TRPM8: variants seen among roughly 807,000 people sequenced by gnomAD.
TRPM8 encodes transient receptor potential cation channel subfamily M member 8, also known as TRPM8 cationic channel.
In TRPM8, 110 loss-of-function variants were observed where a neutral mutation model predicts 133.7. That is an observed-to-expected ratio of 0.82 (90% CI 0.70 to 0.96). The LOEUF (loss-of-function observed/expected upper bound fraction) is 0.96. Among genes scored for constraint, TRPM8 ranks in the 40% least tolerant of loss-of-function variants. The probability of loss-of-function intolerance (pLI) is 0.00; values close to 1 mark genes in which losing one functional copy is unlikely to be tolerated. For missense variants in TRPM8, 1,291 were observed against 1,379.5 expected (o/e 0.94, Z 1.02); for synonymous variants, 535 against 532.3 (o/e 1.01, Z -0.07).
intron 22 of TRPM8, among the ~76,000 whole-genome samples, chr2:234,002,206 C>T (rs1377868366): frequency 2.0e-5 from 3 of 151,694 alleles, no homozygotes; most frequent in Non-Finnish European, 4.4e-5. Flanking sequence ...GCTGAAATGG[C>T]GCCACAGAGC....
chr2:233,992,671 G>A (rs970470113), intron 21 of TRPM8, among the ~76,000 whole-genome samples: 1 of 152,276 alleles, frequency 6.6e-6, no homozygotes, highest in Non-Finnish European at 1.5e-5. Context: ...GGGACAGGAC[G>A]CCAAGGGCAC....
rs550738019 is a variant in TRPM8, at chr2:233,963,108, T to C, written c.1654-174T>C. The stretch of plus-strand genomic sequence containing the variant: ...TTTATGACAGATGAAAGATTTGGTG[T>C]CAAAATTAGACCACCCAATGAGTTG... On this transcript the variant is annotated intron_variant, in intron 12 of 25. Transcript: ENST00000324695. Among the ~76,000 whole-genome samples the C allele has an allele frequency of 1.1e-4, 17 of 152,228 alleles. No individual in the cohort carries two copies. The South Asian group carries it at 3.5e-3, about 32-fold the overall frequency.
rs377496653 is a variant in TRPM8, at chr2:233,926,654, C to T, written c.117C>T (p.Ser39=). 21 of 1,607,848 alleles carry T rather than the reference C, an allele frequency of 1.3e-5. No homozygotes were observed. The highest frequency in any genetic ancestry group is 4.0e-5 in the African/African-American group (3 of 74,806). The change falls in exon 2 of 26, where the codon AGC becomes AGT. Residue 39 remains serine (S), a splice_region_variant and synonymous_variant. Coordinates refer to ENST00000324695, the MANE Select transcript of TRPM8 (RefSeq NM_024080.5). ...SRSTDLSYSE[S]DLVNFIQANF... is the part of the protein sequence containing the mutation. ...GCACAGACTTGTCTTACAGTGAAAG[C>T]GTAAGTCATGCGCATCACCTGTTTG... is the stretch of plus-strand genomic sequence containing the variant.
At chr2:233,946,976 A>C (rs757042110) in intron 7 of TRPM8, 112 bp from the exon 8 acceptor site, 5 of 875,308 alleles carry the variant, frequency 5.7e-6, no homozygotes, top group Non-Finnish European at 7.3e-6. Context: ...ATGTGAAGCT[A>C]TCTCTCCACA....
intron 2 of TRPM8, among the ~76,000 whole-genome samples, chr2:233,929,961 A>G (rs933384138): frequency 6.6e-6 from 1 of 152,112 alleles, no homozygotes; most frequent in Non-Finnish European, 1.5e-5. Flanking sequence ...TTCTCTTTCA[A>G]TGAATGCTTA....
chr2:233,937,854 C>T (rs1690795686), intron 4 of TRPM8, among the ~76,000 whole-genome samples: 1 of 152,144 alleles, frequency 6.6e-6, no homozygotes, highest in Admixed American at 6.5e-5. Flanking sequence ...TCCTGAGGTA[C>T]ATATGGCCCT....
intron 17 of TRPM8, among the ~76,000 whole-genome samples, chr2:233,972,545 C>T (rs1691754389): frequency 6.6e-6 from 1 of 152,238 alleles, no homozygotes; most frequent in Non-Finnish European, 1.5e-5. Context: ...GAGGCTCGGG[C>T]AGCACAGGAG....
At chr2:233,950,243 G>A (rs943199774) in intron 9 of TRPM8, 97 bp downstream of exon 9, 67 of 1,253,818 alleles carry the variant, frequency 5.3e-5, no homozygotes, top group Non-Finnish European at 7.1e-5. Context: ...GCAGCTGCAC[G>A]TGTTTGGTAT....
At chr2:233,983,675 A>C (rs938082797) in intron 20 of TRPM8, among the ~76,000 whole-genome samples, 4 of 152,194 alleles carry the variant, frequency 2.6e-5, no homozygotes, top group Admixed American at 1.3e-4. Flanking sequence ...AGGCAGGCTG[A>C]TGGTGGCACA....
intron 21 of TRPM8, among the ~76,000 whole-genome samples, chr2:233,990,321 G>A (rs1468537206): frequency 1.3e-5 from 2 of 152,188 alleles, no homozygotes; most frequent in Non-Finnish European, 1.5e-5. Context: ...GCAAAAGCAA[G>A]CAAGAGAGTT....
rs1314037250 is a variant in TRPM8 at position 233,970,505 on chromosome 2, T to C, written c.2355+79T>C. 13 of 1,391,284 alleles carry C rather than the reference T, an allele frequency of 9.3e-6. No individual in the cohort carries two copies. In the Admixed American group the frequency reaches 1.9e-4, roughly 20 times the overall value. 86.2% of individuals were successfully genotyped at this position (1,391,284 alleles called of 1,614,324 possible). On this transcript the variant is annotated intron_variant, in intron 17 of 25. Coordinates refer to ENST00000324695, the MANE Select transcript of TRPM8 (RefSeq NM_024080.5). ...TTCTAAAGCCAAGAGGAATAGAAGT[T>C]GCTTCTGAAGTTCAAAAGTCACTAT...
In TRPM8 at chr2:233,970,389, C is replaced by T. The variant is rs200296802; in HGVS notation, c.2318C>T (p.Ser773Leu). 93 of 1,613,948 alleles carry T rather than the reference C, an allele frequency of 5.8e-5. No individual in the cohort carries two copies. The East Asian group carries it at 1.7e-3, about 29-fold the overall frequency. ...VPHPPELVLY[S>L]LVFVLFCDEV... ...CACCCCCCCGAGCTGGTCCTGTACT[C>T]GCTGGTCTTTGTCCTCTTCTGTGAT... Residue 773 changes from serine (S) to leucine (L), a missense_variant, in exon 17 of 26, where the codon TCG becomes TTG. By Grantham distance (145) the Ser-to-Leu change is moderately radical. Around this residue, in one of 2 missense-constraint regions of TRPM8, gnomAD observed 963 missense variants for 968.9 expected, o/e 0.99. Coordinates refer to ENST00000324695, the MANE Select transcript of TRPM8 (RefSeq NM_024080.5).
intron 1 of TRPM8, among the ~76,000 whole-genome samples, chr2:233,926,146 A>C (rs183767737): frequency 5.3e-5 from 8 of 152,240 alleles, no homozygotes; most frequent in Non-Finnish European, 8.8e-5. Flanking sequence ...CTTCATCCTC[A>C]ATTCATTACT....
chr2:233,937,225 T>C, intron 3 of TRPM8, 128 bp from the exon 4 acceptor site: 1 of 1,201,638 alleles, frequency 8.3e-7, no homozygotes, highest in African/African-American at 1.5e-5. Flanking sequence ...ACAACCAAGA[T>C]GATGAAAACA....
At chr2:233,994,827 C>T (rs1398840682) in intron 21 of TRPM8, among the ~76,000 whole-genome samples, 1 of 152,108 alleles carries the variant, frequency 6.6e-6, no homozygotes, top group Non-Finnish European at 1.5e-5. Flanking sequence ...TTAATGCTTC[C>T]CCCATCAGGA....
At chr2:234,015,386 A>T (rs1692934641) in intron 25 of TRPM8, among the ~76,000 whole-genome samples, 1 of 151,828 alleles carries the variant, frequency 6.6e-6, no homozygotes, top group African/African-American at 2.4e-5. Context: ...AGCAAATTGC[A>T]AGGAATGGAA....
intron 22 of TRPM8, among the ~76,000 whole-genome samples, chr2:234,003,086 T>C (rs1692609887): frequency 6.6e-6 from 1 of 152,210 alleles, no homozygotes; most frequent in Non-Finnish European, 1.5e-5. Flanking sequence ...TGTGGGGTTC[T>C]TGAACTACTT....
At chr2:233,984,159 T>C (rs906879718) in intron 20 of TRPM8, among the ~76,000 whole-genome samples, 2 of 152,212 alleles carry the variant, frequency 1.3e-5, no homozygotes, top group South Asian at 2.1e-4. Flanking sequence ...TAGCCACTCA[T>C]GTGCTGTGTG....
chr2:233,934,131 T>C, intron 3 of TRPM8, among the ~76,000 whole-genome samples: 1 of 152,192 alleles, frequency 6.6e-6, no homozygotes, highest in East Asian at 1.9e-4. Context: ...AGAGGGGATT[T>C]ACTATAAGGA....
Sources: allele counts gnomAD v4.1 joint callset (sites outside exome capture counted in the v4.1 genomes callset), GRCh38; gene constraint gnomAD v4.1.1; regional missense constraint gnomAD v4.1.1; transcripts MANE v1.5; gene names NCBI Gene and HGNC (gene_info 2026-07-23, HGNC 2026-07-21).